SNTB1: variants seen among roughly 807,000 people sequenced by gnomAD.
SNTB1 encodes the protein beta-1-syntrophin.
A neutral mutation model predicts 48.9 loss-of-function variants in SNTB1; 36 were observed. That is an observed-to-expected ratio of 0.74 (90% CI 0.56 to 0.97). SNTB1 has a LOEUF of 0.97. Among genes scored for constraint, SNTB1 ranks in the 50% least tolerant of loss-of-function variants. The pLI, the probability that SNTB1 is intolerant of heterozygous loss-of-function variation, is 0.00. For missense variants in SNTB1, 786 were observed against 703.4 expected, an observed-to-expected ratio of 1.12 and a Z score of -1.33; for synonymous variants, 299 against 294.6, an observed-to-expected ratio of 1.01 and a Z score of -0.15.
intron 2 of SNTB1, among the ~76,000 whole-genome samples, chr8:120,655,556 A>G (rs764681065): frequency 1.4e-4 from 22 of 152,186 alleles, no homozygotes; most frequent in Non-Finnish European, 2.6e-4. Flanking sequence ...TAAAACTGGA[A>G]CTAGAACCAA....
At chr8:120,751,058 C>T (rs967547466) in intron 1 of SNTB1, among the ~76,000 whole-genome samples, 6 of 152,048 alleles carry the variant, frequency 3.9e-5, no homozygotes, top group Middle Eastern at 3.2e-3. Context: ...CTATGATCAC[C>T]CACTGTCAGC....
At chr8:120,695,827 T>C (rs528728016) in intron 1 of SNTB1, among the ~76,000 whole-genome samples, 3 of 152,328 alleles carry the variant, frequency 2.0e-5, no homozygotes, top group South Asian at 4.1e-4. Context: ...AGGGTTTTAG[T>C]TGAATATAAG....
At chr8:120,636,409 C>T (rs911614959) in intron 2 of SNTB1, among the ~76,000 whole-genome samples, 1 of 116,966 alleles carries the variant, frequency 8.5e-6, no homozygotes, top group Non-Finnish European at 1.7e-5. Flanking sequence ...CACCCCACAA[C>T]AGTCCCCAGA....
chr8:120,797,159 AGT>A (rs1478711687), intron 1 of SNTB1, among the ~76,000 whole-genome samples: 1 of 152,062 alleles, frequency 6.6e-6, no homozygotes, highest in East Asian at 1.9e-4. Context: ...ATAAATACAG[AGT>A]GATAAACACA....
intron 2 of SNTB1, among the ~76,000 whole-genome samples, chr8:120,686,494 C>T (rs1818035987): frequency 6.6e-6 from 1 of 152,064 alleles, no homozygotes; most frequent in African/African-American, 2.4e-5. Context: ...GGCACTAATC[C>T]CATTCATGAA....
chr8:120,622,028 C>G (rs1188594189), intron 3 of SNTB1, among the ~76,000 whole-genome samples: 2 of 152,182 alleles, frequency 1.3e-5, no homozygotes, highest in African/African-American at 4.8e-5. Context: ...GTTAAGTTGA[C>G]CCCTTACTAT....
intron 2 of SNTB1, among the ~76,000 whole-genome samples, chr8:120,679,719 T>C (rs759999304): frequency 3.3e-5 from 5 of 152,202 alleles, no homozygotes; most frequent in Admixed American, 6.5e-5. Flanking sequence ...GCCTCTAGTC[T>C]TGCCTCCTAT....
intron 3 of SNTB1, among the ~76,000 whole-genome samples, chr8:120,612,070 TG>T (rs1402693403): frequency 6.6e-6 from 1 of 152,112 alleles, no homozygotes; most frequent in African/African-American, 2.4e-5. Context: ...GTGTACATCA[TG>T]GTGCCTGCAA....
At chr8:120,710,471 AG>A (rs1818444230) in intron 1 of SNTB1, among the ~76,000 whole-genome samples, 1 of 152,220 alleles carries the variant, frequency 6.6e-6, no homozygotes, top group Admixed American at 6.5e-5. Flanking sequence ...CTATTAAATT[AG>A]GTAACACTTG....
At chr8:120,738,431 C>T (rs1275969539) in intron 1 of SNTB1, among the ~76,000 whole-genome samples, 3 of 152,096 alleles carry the variant, frequency 2.0e-5, no homozygotes, top group African/African-American at 7.2e-5. Context: ...GATCGAAGAC[C>T]TTACGGGACA....
intron 1 of SNTB1, among the ~76,000 whole-genome samples, chr8:120,779,074 G>T (rs1819787052): frequency 6.6e-6 from 1 of 152,136 alleles, no homozygotes; most frequent in Non-Finnish European, 1.5e-5. Context: ...AGAGCAGTGG[G>T]CACAGATGAA....
intron 1 of SNTB1, among the ~76,000 whole-genome samples, chr8:120,788,391 T>TTAATAA (rs1819962872): frequency 6.6e-6 from 1 of 152,092 alleles, no homozygotes; most frequent in Non-Finnish European, 1.5e-5. Flanking sequence ...CATCTTCATA[T>TTAATAA]TAATGTTGAA....
intron 2 of SNTB1, among the ~76,000 whole-genome samples, chr8:120,655,574 T>C (rs1284336966): frequency 6.6e-6 from 1 of 152,222 alleles, no homozygotes; most frequent in Non-Finnish European, 1.5e-5. Flanking sequence ...CAAAGTTCAT[T>C]GAACTCCAAA....
chr8:120,604,851 GAT>G (rs1226491404), intron 3 of SNTB1, among the ~76,000 whole-genome samples: 2 of 152,178 alleles, frequency 1.3e-5, no homozygotes, highest in African/African-American at 4.8e-5. Context: ...CTGGTAAAAA[GAT>G]ATAAACCAGA....
intron 1 of SNTB1, among the ~76,000 whole-genome samples, chr8:120,796,454 T>C (rs1820120505): frequency 6.6e-6 from 1 of 151,818 alleles, no homozygotes; most frequent in Non-Finnish European, 1.5e-5. Flanking sequence ...ATCCAAAAAA[T>C]AGAGATTAAA....
rs190582007 is a variant in SNTB1, at chr8:120,755,914, T to C, written c.571+55359A>G. Among the ~76,000 whole-genome samples, 3 of 152,290 alleles carry C rather than the reference T, an allele frequency of 2.0e-5. No homozygotes were observed. In the East Asian group the frequency reaches 5.8e-4, roughly 29 times the overall value. ...AGAAGTCTCGAAGATGGTAAATAAG[T>C]CAACCAAGGTCACATTGTTGAGCTG... On this transcript the variant is annotated intron_variant, in intron 1 of 6. Transcript: ENST00000517992.
intron 1 of SNTB1, among the ~76,000 whole-genome samples, chr8:120,774,797 G>T (rs1395739988): frequency 6.6e-6 from 1 of 152,058 alleles, no homozygotes; most frequent in Non-Finnish European, 1.5e-5. Flanking sequence ...GGAACTACAG[G>T]CACCCACCAC....
chr8:120,659,908 C>T (rs1817562995), intron 2 of SNTB1, among the ~76,000 whole-genome samples: 1 of 152,178 alleles, frequency 6.6e-6, no homozygotes. Flanking sequence ...TCCATCATAG[C>T]TCTTGGGTGA....
chr8:120,565,011 C>G (rs1258637398), intron 4 of SNTB1, among the ~76,000 whole-genome samples: 1 of 152,244 alleles, frequency 6.6e-6, no homozygotes, highest in Non-Finnish European at 1.5e-5. Context: ...ATTGTTTTCT[C>G]TCTCTACCAG....
Sources: gnomAD v4.1 joint callset for allele counts (sites outside exome capture counted in the v4.1 genomes callset) on GRCh38, gnomAD v4.1.1 for gene constraint, MANE v1.5 for transcripts, NCBI Gene and HGNC (gene_info 2026-07-23, HGNC 2026-07-21) for gene names.